Variants in PLXNA4 observed in about 807,000 individuals in gnomAD.
The protein encoded by PLXNA4 is plexin-A4.
A neutral mutation model predicts 191.8 loss-of-function variants in PLXNA4; 44 were observed. The ratio of observed to expected loss-of-function variants is 0.23; its 90% CI spans 0.18 to 0.29. The LOEUF (loss-of-function observed/expected upper bound fraction) is 0.29. PLXNA4 is among the 10% of genes least tolerant of loss of function. The pLI is 1.00. For synonymous variants in PLXNA4, 1,082 were observed against 1,009.5 expected (o/e 1.07, Z -1.36); for missense variants, 1,800 against 2,488.8 (o/e 0.72, Z 5.89).
chr7:132,257,950 A>G (rs1799490475), intron 4 of PLXNA4, among the ~76,000 whole-genome samples: 1 of 152,204 alleles, frequency 6.6e-6, no homozygotes, highest in Non-Finnish European at 1.5e-5. Context: ...TTGACATGCA[A>G]AGGCATCTTT....
intron 2 of PLXNA4, among the ~76,000 whole-genome samples, chr7:132,591,225 AG>A (rs1480504597): frequency 2.0e-5 from 3 of 152,202 alleles, no homozygotes; most frequent in Non-Finnish European, 4.4e-5. Context: ...ACAGAAACAC[AG>A]GGCCCATGTT....
At chr7:132,193,548 C>T (rs1181223211) in intron 14 of PLXNA4, among the ~76,000 whole-genome samples, 2 of 152,176 alleles carry the variant, frequency 1.3e-5, no homozygotes, top group Non-Finnish European at 2.9e-5. Flanking sequence ...GTGGCAACCA[C>T]AGAAATAATA....
intron 2 of PLXNA4, among the ~76,000 whole-genome samples, chr7:132,627,205 A>G (rs1428950553): frequency 6.6e-6 from 1 of 152,208 alleles, no homozygotes; most frequent in African/African-American, 2.4e-5. Context: ...ACCTTCTGCC[A>G]TTTATTTTTA....
chr7:132,499,602 A>AT (rs1226319077), intron 2 of PLXNA4, among the ~76,000 whole-genome samples: 1 of 152,182 alleles, frequency 6.6e-6, no homozygotes. Context: ...AAGGGCTGTC[A>AT]TTGAAGTGAG....
chr7:132,523,623 G>T (rs577508688), intron 1 of PLXNA4, among the ~76,000 whole-genome samples: 49 of 152,346 alleles, frequency 3.2e-4, no homozygotes, highest in African/African-American at 1.1e-3. Context: ...CATGGTCAGG[G>T]TCTATGGCTA....
intron 1 of PLXNA4, among the ~76,000 whole-genome samples, chr7:132,562,147 CT>C (rs1801188315): frequency 9.4e-6 from 1 of 106,950 alleles, no homozygotes; most frequent in Non-Finnish European, 1.9e-5. Flanking sequence ...CCTTCTCCTC[CT>C]CCTTCTCTCC....
intron 3 of PLXNA4, among the ~76,000 whole-genome samples, chr7:132,323,228 A>C (rs114041471): frequency 0.01 from 1,560 of 152,330 alleles, 41 homozygotes; most frequent in African/African-American, 0.036. Context: ...GGGTGCCAGC[A>C]GATGATTCAT....
intron 14 of PLXNA4, among the ~76,000 whole-genome samples, chr7:132,192,426 T>C (rs1329819884): frequency 6.9e-6 from 1 of 145,286 alleles, no homozygotes; most frequent in African/African-American, 2.6e-5. Context: ...GCAGATGAGA[T>C]AAAGGAGGGA....
rs1794758580 is a variant in PLXNA4, at chr7:132,125,979, CCTCACTGCTTGGCTGTCT to C, written c.*4482_*4499del. ...TCCTACCTATGTCTGTCTGTCTTTC[CCTCACTGCTTGGCTGTCT>C]GTGAGGTGGGAGGTTTGTCCTTGAC... On this transcript the variant is annotated 3_prime_UTR_variant, in exon 32 of 32. Transcript: ENST00000321063. The C allele has an allele frequency of 6.6e-6, 1 of 152,308 alleles. No homozygotes were observed. Among genetic ancestry groups the C allele is most frequent in the Non-Finnish European group, 1.5e-5 (1 of 68,170 alleles). The allele number at this position is 152,308 out of a possible 1,614,324, so 9.4% of individuals were successfully genotyped here. A position where few individuals can be genotyped will look rare whatever the true frequency, so the allele number is the denominator to read the frequency against.
At chr7:132,424,554 C>A (rs1472713190) in intron 3 of PLXNA4, among the ~76,000 whole-genome samples, 1 of 152,116 alleles carries the variant, frequency 6.6e-6, no homozygotes, top group Non-Finnish European at 1.5e-5. Flanking sequence ...ATTCCTTTCC[C>A]AGCCTCATTC....
At chr7:132,369,264 C>T (rs1804326274) in intron 3 of PLXNA4, among the ~76,000 whole-genome samples, 1 of 152,218 alleles carries the variant, frequency 6.6e-6, no homozygotes, top group Admixed American at 6.5e-5. Context: ...CCCCCAGAGC[C>T]ACCCAGGTGC....
intron 3 of PLXNA4, among the ~76,000 whole-genome samples, chr7:132,375,687 A>G (rs1804633009): frequency 6.6e-6 from 1 of 152,168 alleles, no homozygotes; most frequent in African/African-American, 2.4e-5. Flanking sequence ...ACAGATCAAA[A>G]AAGGCTTACT....
chr7:132,434,653 C>T (rs1472573622), intron 3 of PLXNA4, among the ~76,000 whole-genome samples: 5 of 152,178 alleles, frequency 3.3e-5, no homozygotes, highest in South Asian at 2.1e-4. Flanking sequence ...TGGGATGAAA[C>T]GTAGTCAGAT....
chr7:132,285,522 T>C (rs1800652280), intron 4 of PLXNA4, among the ~76,000 whole-genome samples: 1 of 152,206 alleles, frequency 6.6e-6, no homozygotes, highest in Non-Finnish European at 1.5e-5. Context: ...ATGTCTCCAT[T>C]GTCTGCTTGT....
chr7:132,566,100 C>T (rs764918204), intron 1 of PLXNA4, among the ~76,000 whole-genome samples: 6 of 152,264 alleles, frequency 3.9e-5, no homozygotes, highest in Admixed American at 6.5e-5. Context: ...TATGAATGGG[C>T]GTCAGGGGAA....
intron 3 of PLXNA4, among the ~76,000 whole-genome samples, chr7:132,480,072 A>C (rs1797280201): frequency 6.6e-6 from 1 of 152,184 alleles, no homozygotes; most frequent in South Asian, 2.1e-4. Context: ...CCATATCTAT[A>C]AAGAAATAGC....
Position 132,180,623 on chromosome 7 carries a change from CA to C in PLXNA4, c.3601del (p.Cys1201AlafsTer12). On this transcript the variant is annotated frameshift_variant, in exon 19 of 32. Coordinates refer to ENST00000321063, the MANE Select transcript of PLXNA4 (RefSeq NM_020911.2). LOFTEE classifies it high-confidence loss of function. The stretch of plus-strand genomic sequence containing the variant: ...CCTGCCGATGAGGTTGGGGGACTCG[CA>C]GAGCAGCTGGACATCTGACACGGTC... ...TVTVSDVQLL[C>X]ESPNLIGRHK... 2 of 1,614,204 alleles carry C rather than the reference CA, an allele frequency of 1.2e-6. No individual in the cohort carries two copies. The highest frequency in any genetic ancestry group is 8.5e-7 in the Non-Finnish European group (1 of 1,180,040).
intron 4 of PLXNA4, among the ~76,000 whole-genome samples, chr7:132,293,489 C>T (rs1358512119): frequency 6.6e-6 from 1 of 152,140 alleles, no homozygotes; most frequent in African/African-American, 2.4e-5. Flanking sequence ...AGGTCCCTTC[C>T]ACAACACATG....
chr7:132,145,334 CT>C (rs1563054850), intron 28 of PLXNA4, 46 bp from the exon 29 acceptor site: 1 of 1,607,488 alleles, frequency 6.2e-7, no homozygotes, highest in South Asian at 1.1e-5. Context: ...TCACGTAGTT[CT>C]GAGGATGGCT....
Sources: allele counts gnomAD v4.1 joint callset (sites outside exome capture counted in the v4.1 genomes callset), GRCh38; gene constraint gnomAD v4.1.1; transcripts MANE v1.5; gene names NCBI Gene and HGNC (gene_info 2026-07-23, HGNC 2026-07-21).